The following MAIP1 variants were observed in gnomAD, a reference collection of about 807,000 sequenced individuals.
MAIP1 encodes the protein matrix AAA peptidase interacting protein 1, also known as m-AAA protease-interacting protein 1, mitochondrial.
MAIP1 carries 28 observed loss-of-function variants against 31.2 expected under a neutral mutation model. That is an observed-to-expected ratio of 0.90 (90% CI 0.67 to 1.23). The LOEUF (loss-of-function observed/expected upper bound fraction) is 1.23, where lower values mean the gene tolerates loss of function less well. Among genes scored for constraint, MAIP1 ranks in the 50% most tolerant of loss-of-function variants. The probability of loss-of-function intolerance (pLI) is 0.00; values close to 1 mark genes in which losing one functional copy is unlikely to be tolerated. For missense variants in MAIP1, 339 were observed against 356.0 expected, an observed-to-expected ratio of 0.95 and a Z score of 0.38; for synonymous variants, 142 against 142.3, an observed-to-expected ratio of 1.00 and a Z score of 0.02.
rs968930090 is a variant in MAIP1 at position 199,962,416 on chromosome 2, C to T, written c.797+488C>T. Among the ~76,000 whole-genome samples the T allele has an allele frequency of 2.0e-4, 30 of 152,294 alleles. No homozygotes were observed. In the South Asian group the frequency reaches 6.2e-3, roughly 32 times the overall value. ...TTGTGGCTTGGACTTGTGGTAGTTT[C>T]AGACTAGTCATATCTTTCATATAGT... On this transcript the variant is annotated intron_variant, in intron 4 of 4. Coordinates refer to ENST00000392290, the MANE Select transcript of MAIP1 (RefSeq NM_001394955.1).
In MAIP1 at chr2:199,955,845, C is replaced by T. The variant is rs1452572669; in HGVS notation, c.47C>T (p.Ser16Leu). 6.6e-7 allele frequency: 1 copy of T among 1,523,168 alleles called. No individual in the cohort carries two copies. The highest frequency in any genetic ancestry group is 8.8e-7 in the Non-Finnish European group (1 of 1,138,058). 94.4% of individuals were successfully genotyped at this position (1,523,168 alleles called of 1,614,324 possible). A position where few individuals can be genotyped will look rare whatever the true frequency, so the allele number is the denominator to read the frequency against. Residue 16 changes from serine (S) to leucine (L), a missense_variant, in exon 1 of 5, where the codon TCG becomes TTG. Physicochemically the swap from Ser to Leu is moderately radical, Grantham distance 145 (BLOSUM62 -2). Coordinates refer to ENST00000392290, the MANE Select transcript of MAIP1 (RefSeq NM_001394955.1). Reference protein sequence around the residue: ...RLLPQFLHSRSLPCGAVRLRT... With the variant: ...RLLPQFLHSRLLPCGAVRLRT... ...CTACCCCAGTTCCTGCACTCTCGGTCGCTGCCCTGCGGGGCCGTCCGACTC... is the reference window on the plus strand; with the variant it reads ...CTACCCCAGTTCCTGCACTCTCGGTTGCTGCCCTGCGGGGCCGTCCGACTC...
At chr2:199,958,597 C>T (rs1477842581) in intron 1 of MAIP1, among the ~76,000 whole-genome samples, 2 of 152,204 alleles carry the variant, frequency 1.3e-5, no homozygotes, top group Non-Finnish European at 2.9e-5. Flanking sequence ...TTATCCCTGT[C>T]AAAATTCTTC....
chr2:199,963,780 C>G lies in MAIP1; in HGVS notation c.845C>G (p.Ala282Gly), dbSNP rs1469660172. The change falls in exon 5 of 5, where the codon GCA becomes GGA. Residue 282 changes from alanine (A) to glycine (G), a missense_variant. By Grantham distance (60) the Ala-to-Gly change is moderately conservative. Transcript: ENST00000392290. ...TQGVKPDWTI[A>G]RIEHSKLLE ...GGAGTAAAGCCTGACTGGACCATTGCACGGATTGAACACTCAAAATTATTA... is the reference window on the plus strand; with the variant it reads ...GGAGTAAAGCCTGACTGGACCATTGGACGGATTGAACACTCAAAATTATTA... The G allele has an allele frequency of 6.2e-7, 1 of 1,609,080 alleles. No homozygotes were observed. Among genetic ancestry groups the G allele is most frequent in the East Asian group, 2.2e-5 (1 of 44,760 alleles).
At chr2:199,958,985 A>C (rs553639984) in intron 1 of MAIP1, among the ~76,000 whole-genome samples, 46 of 152,316 alleles carry the variant, frequency 3.0e-4, no homozygotes, top group Non-Finnish European at 6.6e-4. Flanking sequence ...AAGAAATATA[A>C]AGGAGGATTT....
At chr2:199,958,589 AT>A (rs1397416891) in intron 1 of MAIP1, among the ~76,000 whole-genome samples, 1 of 152,166 alleles carries the variant, frequency 6.6e-6, no homozygotes, top group Non-Finnish European at 1.5e-5. Context: ...TCCTGTTCTT[AT>A]CCCTGTCAAA....
chr2:199,955,998 C>T lies in MAIP1; in HGVS notation c.200C>T (p.Pro67Leu), dbSNP rs760322371. 4.3e-6 allele frequency: 7 copies of T among 1,611,224 alleles called. No homozygotes were observed. The highest frequency in any genetic ancestry group is 5.9e-6 in the Non-Finnish European group (7 of 1,178,900). ...AGGGCCTTGGCAGCCTCGGCGCTAC[C>T]TGCCCAGGGCTCCCGGTGGCCAGTG... ...SARALAASAL[P>L]AQGSRWPVLS... The change falls in exon 1 of 5, where the codon CCT (proline) becomes CTT (leucine). Residue 67 changes from proline to leucine, a missense_variant. Pro to Leu is a moderately conservative substitution (Grantham distance 98, BLOSUM62 -3). Transcript: ENST00000392290.
Position 199,955,902 on chromosome 2 carries a change from C to T in MAIP1, c.104C>T (p.Pro35Leu), listed in dbSNP as rs1027053468. 2.5e-6 allele frequency: 4 copies of T among 1,576,764 alleles called. No individual in the cohort carries two copies. Among genetic ancestry groups the T allele is most frequent in the Admixed American group, 3.5e-5 (2 of 56,470 alleles). The part of the protein sequence containing the change: ...RTPAVAEVRL[P>L]SATLCYFCRC... The stretch of plus-strand genomic sequence containing the variant: ...CCTGCTGTGGCCGAGGTGAGGCTGC[C>T]GTCGGCCACACTTTGCTACTTCTGC... Residue 35 changes from proline to leucine, a missense_variant, in exon 1 of 5, where the codon CCG becomes CTG. Pro to Leu is a moderately conservative substitution (Grantham distance 98). Coordinates refer to ENST00000392290, the MANE Select transcript of MAIP1 (RefSeq NM_001394955.1).
Position 199,955,875 on chromosome 2 carries a change from C to T in MAIP1, c.77C>T (p.Thr26Ile). ...CCCTGCGGGGCCGTCCGACTCCGGA[C>T]TCCTGCTGTGGCCGAGGTGAGGCTG... ...SLPCGAVRLRTPAVAEVRLPS... is the reference protein window; with the variant it reads ...SLPCGAVRLRIPAVAEVRLPS... The change falls in exon 1 of 5, where the codon ACT becomes ATT. Residue 26 changes from threonine (T) to isoleucine (I), a missense_variant. Thr to Ile is a moderately conservative substitution (Grantham distance 89). Transcript: ENST00000392290. 6.4e-7 allele frequency: 1 copy of T among 1,554,912 alleles called. No homozygotes were observed. The highest frequency in any genetic ancestry group is 8.7e-7 in the Non-Finnish European group (1 of 1,150,622).
At position 199,957,692 on chromosome 2, in the gene MAIP1, A is replaced by T. The variant is rs568354116; in HGVS notation, c.450+1444A>T. ...TCTTGACTACTATATATATTTATAT[A>T]AAAAAAGTCAAAGAACAAACTTGAT... On this transcript the variant is annotated intron_variant, in intron 1 of 4. Transcript: ENST00000392290. 1.4e-3 allele frequency among the ~76,000 whole-genome samples: 219 copies of T among 152,336 alleles called. 3 individuals are homozygous for T. Among genetic ancestry groups the T allele is most frequent in the African/African-American group, 4.9e-3 (205 of 41,556 alleles).
chr2:199,959,698 T>C (rs1213449579), intron 2 of MAIP1, 56 bp from the exon 3 acceptor site: 1 of 1,506,628 alleles, frequency 6.6e-7, no homozygotes, highest in Non-Finnish European at 9.0e-7. Flanking sequence ...GATCACTTTT[T>C]GAAAGTTTTC....
Position 199,961,792 on chromosome 2 carries a change from G to A in MAIP1, c.661G>A (p.Val221Ile), listed in dbSNP as rs1291877038. ...GTTTTTTCTCTAAGGAAGGAAGTTT[G>A]TTAACATCCTGATGTGCTTTTGGTA... ...IYYDEKGRKF[V>I]NILMCFWYLT... The change falls in exon 4 of 5, where the codon GTT (valine) becomes ATT (isoleucine). Residue 221 changes from valine to isoleucine, a missense_variant. Transcript: ENST00000392290. The A allele has an allele frequency of 1.2e-6, 2 of 1,611,822 alleles. No individual in the cohort carries two copies. Among genetic ancestry groups the A allele is most frequent in the Non-Finnish European group, 1.7e-6 (2 of 1,179,184 alleles).
At chr2:199,962,412 G>A (rs1421970302) in intron 4 of MAIP1, among the ~76,000 whole-genome samples, 2 of 152,186 alleles carry the variant, frequency 1.3e-5, no homozygotes, top group Non-Finnish European at 2.9e-5. Context: ...ACTTGTGGTA[G>A]TTTCAGACTA....
intron 3 of MAIP1, among the ~76,000 whole-genome samples, chr2:199,960,891 C>G (rs1199896240): frequency 6.6e-6 from 1 of 152,186 alleles, no homozygotes; most frequent in African/African-American, 2.4e-5. Context: ...TTTTCATGCA[C>G]ACATTATTTT....
chr2:199,963,165 G>C (rs1220829503), intron 4 of MAIP1, among the ~76,000 whole-genome samples: 1 of 151,868 alleles, frequency 6.6e-6, no homozygotes, highest in Admixed American at 6.6e-5. Context: ...TTTTTAAAGA[G>C]CACTGTCGTC....
intron 4 of MAIP1, among the ~76,000 whole-genome samples, chr2:199,962,646 T>C (rs961552015): frequency 1.3e-5 from 2 of 152,078 alleles, no homozygotes; most frequent in African/African-American, 2.4e-5. Context: ...AGGGGAGATA[T>C]GGTTGTGGTC....
rs756429342 is a variant in MAIP1, at chr2:199,956,080, C to T, written c.282C>T (p.Arg94=). 3.7e-6 allele frequency: 6 copies of T among 1,613,846 alleles called. No individual in the cohort carries two copies. In the South Asian group the frequency reaches 5.5e-5, roughly 15 times the overall value. ...AFASFPACPQ[R]SYSTEEKPQQ... ...CTTCTTTCCCTGCCTGCCCTCAGCG[C>T]AGCTACAGCACGGAGGAGAAGCCCC... Residue 94 remains arginine (R), a synonymous_variant, in exon 1 of 5, where the codon CGC becomes CGT. Coordinates refer to ENST00000392290, the MANE Select transcript of MAIP1 (RefSeq NM_001394955.1).
intron 4 of MAIP1, among the ~76,000 whole-genome samples, chr2:199,962,351 C>T (rs2077641354): frequency 6.6e-6 from 1 of 152,182 alleles, no homozygotes; most frequent in Non-Finnish European, 1.5e-5. Flanking sequence ...CTTGGTACTC[C>T]TTGGCTTCTG....
At chr2:199,959,457 T>A in intron 2 of MAIP1, 118 bp downstream of exon 2, 1 of 684,886 alleles carries the variant, frequency 1.5e-6, no homozygotes, top group South Asian at 1.7e-5. Flanking sequence ...CAAAGTAGAG[T>A]CTGTGTATCT....
In MAIP1 at chr2:199,963,058, G is replaced by T. The variant is rs140587617; in HGVS notation, c.798-675G>T. Among the ~76,000 whole-genome samples, 140 of 151,718 alleles carry T rather than the reference G, an allele frequency of 9.2e-4. No homozygotes were observed. In the East Asian group the frequency reaches 0.019, roughly 20 times the overall value. On this transcript the variant is annotated intron_variant, in intron 4 of 4. Transcript: ENST00000392290. Reference sequence around the variant, plus strand: ...TTTTTTTGCTCTTCTTAAAAGAAATGTGTTTTTTTAAATTTTGCTTTATTT... The same window carrying T: ...TTTTTTTGCTCTTCTTAAAAGAAATTTGTTTTTTTAAATTTTGCTTTATTT...
Sources: allele counts gnomAD v4.1 joint callset (sites outside exome capture counted in the v4.1 genomes callset), GRCh38; gene constraint gnomAD v4.1.1; transcripts MANE v1.5; gene names NCBI Gene and HGNC (gene_info 2026-07-23, HGNC 2026-07-21).